The following LARGE1 variants were observed in gnomAD, a reference collection of about 807,000 sequenced individuals.
LARGE1 encodes xylosyl- and glucuronyltransferase LARGE1.
Under a neutral mutation model 87.6 loss-of-function variants are expected in LARGE1, and 43 were observed. The observed-to-expected ratio is 0.49, with a 90% CI of 0.38 to 0.63. The LOEUF is 0.63. LARGE1 is among the 30% of genes least tolerant of loss of function. The pLI, the probability that LARGE1 is intolerant of heterozygous loss-of-function variation, is 0.00. For missense variants in LARGE1, 802 were observed against 1,000.2 expected, an observed-to-expected ratio of 0.80 and a Z score of 2.67; for synonymous variants, 434 against 394.6, an observed-to-expected ratio of 1.10 and a Z score of -1.18.
At chr22:33,868,873 T>C (rs2064188791) in intron 1 of LARGE1, among the ~76,000 whole-genome samples, 1 of 152,114 alleles carries the variant, frequency 6.6e-6, no homozygotes, top group South Asian at 2.1e-4. Context: ...GAAAGGGGGT[T>C]GCAAGGTACA....
intron 14 of LARGE1, among the ~76,000 whole-genome samples, chr22:33,276,205 CAAAAG>C (rs979205241): frequency 7.6e-6 from 1 of 131,978 alleles, no homozygotes; most frequent in Non-Finnish European, 1.6e-5. Context: ...GAAGAGCATA[CAAAAG>C]AAAAGAAAAG....
At chr22:33,745,635 G>A (rs1005285873) in intron 2 of LARGE1, among the ~76,000 whole-genome samples, 6 of 152,196 alleles carry the variant, frequency 3.9e-5, no homozygotes, top group South Asian at 2.1e-4. Flanking sequence ...AAGGAAAGGC[G>A]AGGGCCCGGT....
At chr22:33,866,328 T>A (rs1194254162) in intron 1 of LARGE1, among the ~76,000 whole-genome samples, 1 of 152,218 alleles carries the variant, frequency 6.6e-6, no homozygotes. Flanking sequence ...ACAACCCACA[T>A]GTGGCTATTT....
chr22:33,704,737 T>C (rs921355648), intron 2 of LARGE1: 11 of 152,402 alleles, frequency 7.2e-5, no homozygotes, highest in African/African-American at 2.2e-4. Flanking sequence ...CCAACCTTTA[T>C]GCACTCACAC....
chr22:33,132,914 T>C, the LARGE1 span, among the ~76,000 whole-genome samples: 1 of 152,236 alleles, frequency 6.6e-6, no homozygotes, highest in Admixed American at 6.5e-5. Context: ...GCTCTGGTTA[T>C]TGTGTCCTGG....
chr22:33,729,063 A>G (rs2083372656), intron 2 of LARGE1, among the ~76,000 whole-genome samples: 1 of 152,230 alleles, frequency 6.6e-6, no homozygotes, highest in South Asian at 2.1e-4. Flanking sequence ...ATCATAAAAT[A>G]ATGCATAGAG....
intron 6 of LARGE1, among the ~76,000 whole-genome samples, chr22:33,548,411 G>T (rs538628968): frequency 8.3e-6 from 1 of 120,440 alleles, no homozygotes; most frequent in Non-Finnish European, 1.9e-5. Flanking sequence ...CCAGTCTCAG[G>T]CATTCCGTTT....
At chr22:33,470,171 T>G (rs1163962636) in intron 6 of LARGE1, among the ~76,000 whole-genome samples, 1 of 152,112 alleles carries the variant, frequency 6.6e-6, no homozygotes, top group African/African-American at 2.4e-5. Flanking sequence ...ATTACAGGCA[T>G]GAGCCACTGG....
chr22:33,351,160 G>A (rs1299170922), intron 9 of LARGE1, among the ~76,000 whole-genome samples: 2 of 152,220 alleles, frequency 1.3e-5, no homozygotes, highest in African/African-American at 4.8e-5. Flanking sequence ...CCAGTGTCTA[G>A]CTCATAGCAA....
intron 6 of LARGE1, among the ~76,000 whole-genome samples, chr22:33,433,883 G>C (rs2067172682): frequency 6.6e-6 from 1 of 152,184 alleles, no homozygotes; most frequent in South Asian, 2.1e-4. Flanking sequence ...AAATGATGGT[G>C]TGTGGGTTTG....
intron 6 of LARGE1, among the ~76,000 whole-genome samples, chr22:33,465,299 G>A (rs781412121): frequency 6.6e-5 from 10 of 152,214 alleles, no homozygotes; most frequent in Non-Finnish European, 1.0e-4. Context: ...CAAAGTACAT[G>A]GAAGTGATAA....
At chr22:33,295,465 TA>T (rs1287641819) in intron 12 of LARGE1, among the ~76,000 whole-genome samples, 1 of 152,230 alleles carries the variant, frequency 6.6e-6, no homozygotes, top group Non-Finnish European at 1.5e-5. Flanking sequence ...GTGCTAGACG[TA>T]AGCATGGCTT....
intron 6 of LARGE1, among the ~76,000 whole-genome samples, chr22:33,507,097 A>C (rs5994759): frequency 0.021 from 3,121 of 152,232 alleles, 88 homozygotes; most frequent in African/African-American, 0.058. Flanking sequence ...GATCCAAGTA[A>C]ACACCCCCCA....
chr22:33,342,544 T>C (rs1226930541), intron 9 of LARGE1, among the ~76,000 whole-genome samples: 1 of 152,136 alleles, frequency 6.6e-6, no homozygotes, highest in Non-Finnish European at 1.5e-5. Context: ...TTAACTACTA[T>C]TATATCTAGT....
chr22:33,546,810 C>T (rs1349112233), intron 6 of LARGE1, among the ~76,000 whole-genome samples: 9 of 152,174 alleles, frequency 5.9e-5, no homozygotes, highest in Admixed American at 5.9e-4. Context: ...TCTCAAACTC[C>T]TGACCTCAGG....
chr22:33,668,143 ATAAT>A (rs973204385), intron 2 of LARGE1, among the ~76,000 whole-genome samples: 15 of 152,256 alleles, frequency 9.9e-5, no homozygotes, highest in African/African-American at 3.4e-4. Context: ...GCTTTATGGA[ATAAT>A]TAATTAAACT....
At chr22:33,708,715 C>T (rs1340153825) in intron 2 of LARGE1, among the ~76,000 whole-genome samples, 1 of 152,170 alleles carries the variant, frequency 6.6e-6, no homozygotes, top group Non-Finnish European at 1.5e-5. Flanking sequence ...ATTCTCCTGC[C>T]GCAGCCTCCT....
At chr22:33,861,300 A>G (rs1568994223) in intron 1 of LARGE1, among the ~76,000 whole-genome samples, 1 of 152,098 alleles carries the variant, frequency 6.6e-6, no homozygotes, top group Non-Finnish European at 1.5e-5. Flanking sequence ...TGGGCTAAGC[A>G]TGCCAGCCTT....
intron 11 of LARGE1, among the ~76,000 whole-genome samples, chr22:33,245,833 T>C (rs1926730771): frequency 6.6e-6 from 1 of 152,104 alleles, no homozygotes; most frequent in Non-Finnish European, 1.5e-5. Flanking sequence ...CACTTGAACC[T>C]GGGAGGCGGA....
Sources: gnomAD v4.1 joint callset for allele counts (sites outside exome capture counted in the v4.1 genomes callset) on GRCh38, gnomAD v4.1.1 for gene constraint, MANE v1.5 for transcripts, NCBI Gene and HGNC (gene_info 2026-07-23, HGNC 2026-07-21) for gene names.